SRRM4: variants seen among roughly 807,000 people sequenced by gnomAD.
The protein encoded by SRRM4 is serine/arginine repetitive matrix 4.
Under a neutral mutation model 68.9 loss-of-function variants are expected in SRRM4, and 33 were observed. The observed-to-expected ratio is 0.48, with a 90% CI of 0.36 to 0.64. The LOEUF (loss-of-function observed/expected upper bound fraction) is 0.64. Ranked by LOEUF, SRRM4 falls within the 30% of genes least tolerant of loss-of-function variation. SRRM4 has a pLI of 0.00. For synonymous variants in SRRM4, 318 were observed against 318.8 expected (o/e 1.00, Z 0.03); for missense variants, 817 against 827.1 (o/e 0.99, Z 0.15).
rs543604121 is a variant in SRRM4 at position 119,083,749 on chromosome 12, C to T, written c.132-18487C>T. Among the ~76,000 whole-genome samples, 7 of 152,310 alleles carry T rather than the reference C, an allele frequency of 4.6e-5. No individual in the cohort carries two copies. The South Asian group carries it at 1.5e-3, about 32-fold the overall frequency. ...GGAAAATGGACTCAGAACTATTGTC[C>T]TCAGAGCTGAGCTGACAGTGCAGCT... On this transcript the variant is annotated intron_variant, in intron 1 of 12. Transcript: ENST00000267260.
intron 1 of SRRM4, among the ~76,000 whole-genome samples, chr12:118,983,435 A>G (rs920724765): frequency 1.2e-4 from 18 of 152,220 alleles, no homozygotes; most frequent in African/African-American, 4.3e-4. Flanking sequence ...ACCAAATGCC[A>G]TTAAAGGCTG....
chr12:119,141,999 G>A (rs1349270108), intron 8 of SRRM4, among the ~76,000 whole-genome samples: 2 of 152,192 alleles, frequency 1.3e-5, no homozygotes, highest in Non-Finnish European at 2.9e-5. Flanking sequence ...GGGGAAGAGA[G>A]GAGTATTCTA....
chr12:119,123,635 G>A (rs1291989070), intron 6 of SRRM4, among the ~76,000 whole-genome samples: 4 of 152,060 alleles, frequency 2.6e-5, no homozygotes, highest in African/African-American at 9.7e-5. Context: ...AAAGACAAGA[G>A]GCAAGAGAGA....
intron 7 of SRRM4, among the ~76,000 whole-genome samples, chr12:119,125,781 C>T (rs12812575): frequency 0.21 from 32,300 of 151,486 alleles, 3,972 homozygotes; most frequent in South Asian, 0.37. Flanking sequence ...ATTAGCTGGG[C>T]GTAGTGGTGG....
intron 1 of SRRM4, chr12:118,994,295 C>A (rs1272883718): frequency 2.0e-5 from 3 of 152,236 alleles, no homozygotes; most frequent in African/African-American, 7.2e-5. Flanking sequence ...AACTCTCAAA[C>A]TGTCCCCACG....
intron 6 of SRRM4, among the ~76,000 whole-genome samples, chr12:119,122,324 A>C (rs1421670794): frequency 1.4e-5 from 2 of 144,136 alleles, no homozygotes; most frequent in Non-Finnish European, 3.1e-5. Flanking sequence ...GGAAGGAAGG[A>C]AGGAAGGAAG....
chr12:119,025,436 T>TTTG (rs1565891879), intron 1 of SRRM4, among the ~76,000 whole-genome samples: 2 of 151,064 alleles, frequency 1.3e-5, no homozygotes, highest in Non-Finnish European at 3.0e-5. Context: ...GAGTTTTTTT[T>TTTG]TTTGTTTGTT....
intron 1 of SRRM4, among the ~76,000 whole-genome samples, chr12:119,074,595 T>C (rs1464719090): frequency 1.3e-5 from 2 of 152,176 alleles, no homozygotes; most frequent in Non-Finnish European, 2.9e-5. Flanking sequence ...GGCTCTATAT[T>C]AGAATAAATT....
chr12:119,134,150 A>C (rs1006101162), intron 8 of SRRM4, among the ~76,000 whole-genome samples: 2 of 151,972 alleles, frequency 1.3e-5, no homozygotes, highest in Admixed American at 6.6e-5. Context: ...TTTTTTAAAA[A>C]CTCAAGGACA....
chr12:119,075,915 T>TGATGAA (rs1953910533), intron 1 of SRRM4, among the ~76,000 whole-genome samples: 1 of 137,516 alleles, frequency 7.3e-6, no homozygotes, highest in African/African-American at 2.8e-5. Context: ...ATGGTGATGA[T>TGATGAA]GATGATGATG....
intron 1 of SRRM4, among the ~76,000 whole-genome samples, chr12:119,055,357 C>A (rs1026048528): frequency 6.6e-6 from 1 of 152,180 alleles, no homozygotes. Context: ...AAAAAGCACA[C>A]GCAATGATGT....
chr12:119,070,327 T>C (rs1953870375), intron 1 of SRRM4, among the ~76,000 whole-genome samples: 1 of 152,028 alleles, frequency 6.6e-6, no homozygotes, highest in South Asian at 2.1e-4. Context: ...GTTCTAAGCA[T>C]GAGGGATTCA....
intron 1 of SRRM4, among the ~76,000 whole-genome samples, chr12:119,011,105 C>T (rs553576074): frequency 1.3e-5 from 2 of 152,168 alleles, no homozygotes; most frequent in South Asian, 4.1e-4. Flanking sequence ...GATATTTTAG[C>T]TTTATCTCTG....
intron 7 of SRRM4, among the ~76,000 whole-genome samples, 181 bp downstream of exon 7, chr12:119,125,660 G>A (rs1954254034): frequency 6.6e-6 from 1 of 151,726 alleles, no homozygotes; most frequent in South Asian, 2.1e-4. Context: ...GGTGGCTCAC[G>A]CCTGTAATGC....
At chr12:119,029,184 C>T (rs2136005221) in intron 1 of SRRM4, among the ~76,000 whole-genome samples, 1 of 152,330 alleles carries the variant, frequency 6.6e-6, no homozygotes, top group East Asian at 1.9e-4. Context: ...CTTACATATA[C>T]TCCCACCAGA....
chr12:119,119,127 T>G (rs576761184), intron 4 of SRRM4, among the ~76,000 whole-genome samples: 1 of 151,248 alleles, frequency 6.6e-6, no homozygotes, highest in East Asian at 2.0e-4. Flanking sequence ...TTCTAGCTAA[T>G]GCATGCTGCA....
At chr12:119,074,899 G>C (rs1262203478) in intron 1 of SRRM4, among the ~76,000 whole-genome samples, 1 of 152,164 alleles carries the variant, frequency 6.6e-6, no homozygotes, top group Non-Finnish European at 1.5e-5. Flanking sequence ...TGATATATTA[G>C]ACATTTTCTT....
chr12:119,025,244 C>T lies in SRRM4; in HGVS notation c.131+43231C>T, dbSNP rs144447561. 3.6e-4 allele frequency among the ~76,000 whole-genome samples: 54 copies of T among 151,636 alleles called. No homozygotes were observed. In the East Asian group the frequency reaches 9.3e-3, roughly 26 times the overall value. On this transcript the variant is annotated intron_variant, in intron 1 of 12. Coordinates refer to ENST00000267260, the MANE Select transcript of SRRM4 (RefSeq NM_194286.4). ...GGGCAATGGTATTGGGGCAGAGGAT[C>T]GGGCAGTGCAAACACCAGTATGTAA...
At chr12:119,020,147 C>T (rs924685907) in intron 1 of SRRM4, among the ~76,000 whole-genome samples, 1 of 151,988 alleles carries the variant, frequency 6.6e-6, no homozygotes, top group Non-Finnish European at 1.5e-5. Context: ...ATTGCACCAC[C>T]AGGGTGGTGG....
Sources: allele counts gnomAD v4.1 joint callset (sites outside exome capture counted in the v4.1 genomes callset), GRCh38; gene constraint gnomAD v4.1.1; transcripts MANE v1.5; gene names NCBI Gene and HGNC (gene_info 2026-07-23, HGNC 2026-07-21).